The following ULK4 variants were observed in gnomAD, a reference collection of about 807,000 sequenced individuals.
ULK4 encodes the protein inactive serine/threonine-protein kinase ULK4.
A neutral mutation model predicts 160.6 loss-of-function variants in ULK4; 133 were observed. The ratio of observed to expected loss-of-function variants is 0.83; its 90% CI spans 0.72 to 0.96. ULK4 has a LOEUF of 0.96. Ranked by LOEUF, ULK4 falls within the 40% of genes least tolerant of loss-of-function variation. The pLI is 0.00. For synonymous variants in ULK4, 534 were observed against 539.8 expected (o/e 0.99, Z 0.15); for missense variants, 1,580 against 1,499.5 (o/e 1.05, Z -0.89).
intron 27 of ULK4, among the ~76,000 whole-genome samples, chr3:41,698,466 G>A (rs1019948866): frequency 6.6e-6 from 1 of 152,028 alleles, no homozygotes; most frequent in East Asian, 1.9e-4. Context: ...CAGAGGCAAT[G>A]CTCATTAGAG....
chr3:41,895,413 A>AT, intron 16 of ULK4, 105 bp downstream of exon 16: 2 of 585,692 alleles, frequency 3.4e-6, no homozygotes, highest in Non-Finnish European at 5.5e-6. Flanking sequence ...TTACATCAGA[A>AT]TAATTTATGA....
intron 29 of ULK4, among the ~76,000 whole-genome samples, chr3:41,677,870 A>G (rs1440405202): frequency 6.6e-6 from 1 of 152,122 alleles, no homozygotes; most frequent in Non-Finnish European, 1.5e-5. Flanking sequence ...GAATCGGTAC[A>G]CTGAGGGAAG....
At chr3:41,735,289 G>C (rs1313413028) in intron 22 of ULK4, among the ~76,000 whole-genome samples, 1 of 152,178 alleles carries the variant, frequency 6.6e-6, no homozygotes, top group African/African-American at 2.4e-5. Context: ...TAGAAGAAAA[G>C]ATTCCAGTAG....
At chr3:41,843,893 G>A (rs905509788) in intron 17 of ULK4, among the ~76,000 whole-genome samples, 1 of 152,050 alleles carries the variant, frequency 6.6e-6, no homozygotes, top group African/African-American at 2.4e-5. Flanking sequence ...TAGACACAAA[G>A]GTTCTCCACG....
intron 35 of ULK4, among the ~76,000 whole-genome samples, chr3:41,312,657 AAACAAAC>A (rs1275501339): frequency 6.6e-6 from 1 of 151,840 alleles, no homozygotes. Flanking sequence ...ACAAACAAAC[AAACAAAC>A]AAAAAAACAT....
chr3:41,781,373 C>T (rs1347327933), intron 21 of ULK4, among the ~76,000 whole-genome samples: 4 of 148,310 alleles, frequency 2.7e-5, no homozygotes, highest in Middle Eastern at 3.5e-3. Flanking sequence ...GCCAAGATCG[C>T]GCCACCGCAC....
intron 18 of ULK4, among the ~76,000 whole-genome samples, chr3:41,822,314 G>A (rs1325275384): frequency 6.6e-6 from 1 of 152,106 alleles, no homozygotes; most frequent in East Asian, 1.9e-4. Context: ...TCTTAATAAC[G>A]GCCGTAATCC....
intron 35 of ULK4, among the ~76,000 whole-genome samples, chr3:41,336,914 C>G (rs2125746350): frequency 6.6e-6 from 1 of 152,300 alleles, no homozygotes; most frequent in Non-Finnish European, 1.5e-5. Flanking sequence ...TCTATAAAAC[C>G]AGGGGGCTAT....
chr3:41,508,451 A>C (rs1193519216), intron 32 of ULK4, among the ~76,000 whole-genome samples: 1 of 152,100 alleles, frequency 6.6e-6, no homozygotes, highest in Non-Finnish European at 1.5e-5. Flanking sequence ...CCCTAAGGCA[A>C]ATTTGCATCC....
At chr3:41,415,614 T>C (rs1460497822) in intron 34 of ULK4, among the ~76,000 whole-genome samples, 1 of 152,118 alleles carries the variant, frequency 6.6e-6, no homozygotes, top group Non-Finnish European at 1.5e-5. Flanking sequence ...AAATCACGGC[T>C]CAGTTCAAAG....
chr3:41,734,915 A>AACCTCGGCAGC (rs1458603339), intron 22 of ULK4, among the ~76,000 whole-genome samples: 2 of 152,196 alleles, frequency 1.3e-5, no homozygotes, highest in African/African-American at 4.8e-5. Context: ...GAGTAGGCAG[A>AACCTCGGCAGC]ACCTCGGCAG....
intron 32 of ULK4, among the ~76,000 whole-genome samples, chr3:41,556,864 T>C (rs1229751907): frequency 6.6e-6 from 1 of 152,122 alleles, no homozygotes; most frequent in African/African-American, 2.4e-5. Context: ...AAAATTTTAA[T>C]GAAGCAATAT....
At chr3:41,463,336 G>T in intron 32 of ULK4, 83 bp from the exon 33 acceptor site, 1 of 1,326,198 alleles carries the variant, frequency 7.5e-7, no homozygotes, top group Non-Finnish European at 1.0e-6. Context: ...AGGCATTCTG[G>T]CTCTATGTTG....
intron 22 of ULK4, among the ~76,000 whole-genome samples, chr3:41,722,079 A>G (rs1420813159): frequency 6.6e-6 from 1 of 152,188 alleles, no homozygotes; most frequent in Non-Finnish European, 1.5e-5. Flanking sequence ...TCTAATTACA[A>G]AATGGGATAA....
At chr3:41,575,339 G>A (rs575525216) in intron 31 of ULK4, among the ~76,000 whole-genome samples, 4 of 152,192 alleles carry the variant, frequency 2.6e-5, no homozygotes, top group Non-Finnish European at 5.9e-5. Flanking sequence ...TCTGTTAGTT[G>A]TGCAGCAGGT....
chr3:41,904,082 C>T (rs1163400896), intron 12 of ULK4, among the ~76,000 whole-genome samples: 1 of 150,116 alleles, frequency 6.7e-6, no homozygotes, highest in Non-Finnish European at 1.5e-5. Context: ...TTACATTTTA[C>T]AAGTTTTTTA....
At chr3:41,357,101 T>C (rs1397012354) in intron 35 of ULK4, among the ~76,000 whole-genome samples, 4 of 152,216 alleles carry the variant, frequency 2.6e-5, no homozygotes. Flanking sequence ...AGTTGTTTTA[T>C]TTGGAGATTA....
intron 35 of ULK4, among the ~76,000 whole-genome samples, chr3:41,356,349 T>C (rs1021627604): frequency 6.6e-6 from 1 of 152,218 alleles, no homozygotes; most frequent in Non-Finnish European, 1.5e-5. Context: ...CTGTCAGGTG[T>C]ATATCATCTC....
intron 17 of ULK4, among the ~76,000 whole-genome samples, chr3:41,842,202 A>G (rs1430641588): frequency 2.0e-5 from 3 of 148,924 alleles, no homozygotes; most frequent in Non-Finnish European, 4.4e-5. Flanking sequence ...AAAAAAAAGA[A>G]GACTAAGGTG....
Sources: gnomAD v4.1 joint callset for allele counts (sites outside exome capture counted in the v4.1 genomes callset) on GRCh38, gnomAD v4.1.1 for gene constraint, MANE v1.5 for transcripts, NCBI Gene and HGNC (gene_info 2026-07-23, HGNC 2026-07-21) for gene names.